Variants in ZNF112 observed in about 807,000 individuals in gnomAD.
The protein encoded by ZNF112 is zinc finger protein 112, also known as zinc finger protein 112 (Y14).
In ZNF112, 37 loss-of-function variants were observed where a neutral mutation model predicts 77.7. That is an observed-to-expected ratio of 0.48 (90% confidence interval 0.37 to 0.63). The LOEUF (loss-of-function observed/expected upper bound fraction) is 0.63. Ranked by LOEUF, ZNF112 falls within the 20% of genes least tolerant of loss-of-function variation. ZNF112 has a pLI of 0.00. For synonymous variants in ZNF112, 333 were observed against 363.6 expected (o/e 0.92, Z 0.96); for missense variants, 950 against 1,077.4 (o/e 0.88, Z 1.66).
intron 3 of ZNF112, among the ~76,000 whole-genome samples, chr19:44,334,153 G>A (rs1417903354): frequency 6.6e-6 from 1 of 152,146 alleles, no homozygotes; most frequent in Non-Finnish European, 1.5e-5. Context: ...CCCAACATTG[G>A]TGCTATGCTT....
chr19:44,329,170 T>C lies in ZNF112; in HGVS notation c.987A>G (p.Glu329=), dbSNP rs1246486027. 3 of 1,613,814 alleles carry C rather than the reference T, an allele frequency of 1.9e-6. No individual in the cohort carries two copies. In the Admixed American group the frequency reaches 5.0e-5, roughly 27 times the overall value. Residue 329 remains glutamate, a synonymous_variant, in exon 4 of 4, where the codon GAA becomes GAG. Coordinates refer to ENST00000354340, the MANE Select transcript of ZNF112 (RefSeq NM_013380.4). ...AACAGTGATTGAAGTTCTCACCATA[T>C]TCACCACATTTGCATGGTTTCTCCT... ...HTEEKPCKCG[E]YGENFNHCSP... is the part of the protein sequence containing the mutation.
At chr19:44,357,939 T>C (rs1049349680), upstream of ZNF112, among the ~76,000 whole-genome samples, 1 of 151,918 alleles carries the variant, frequency 6.6e-6, no homozygotes, top group Non-Finnish European at 1.5e-5. Flanking sequence ...GCTCACGGGG[T>C]CAGGAGATCG....
chr19:44,351,179 C>G (rs568838488), intron 1 of ZNF112, among the ~76,000 whole-genome samples: 46 of 152,166 alleles, frequency 3.0e-4, no homozygotes, highest in Admixed American at 1.6e-3. Flanking sequence ...TAATTTTGAT[C>G]CTTCTGCTTT....
At chr19:44,350,849 AAT>A (rs1970678761) in intron 1 of ZNF112, among the ~76,000 whole-genome samples, 1 of 152,140 alleles carries the variant, frequency 6.6e-6, no homozygotes, top group Non-Finnish European at 1.5e-5. Flanking sequence ...ATTATTCTGA[AAT>A]GTAGTGACAT....
At chr19:44,338,724 A>T (rs754740231) in intron 2 of ZNF112, among the ~76,000 whole-genome samples, 1 of 152,240 alleles carries the variant, frequency 6.6e-6, no homozygotes, top group Admixed American at 6.5e-5. Flanking sequence ...GAACAACTAT[A>T]CTAGACTCTA....
chr19:44,335,486 AG>A (rs1163468483), intron 3 of ZNF112, among the ~76,000 whole-genome samples: 15 of 152,352 alleles, frequency 9.8e-5, no homozygotes, highest in Admixed American at 9.8e-4. Context: ...ATGTTAGTAT[AG>A]GTAAAAAAAT....
At chr19:44,359,157 C>A (rs1207730623), upstream of ZNF112, among the ~76,000 whole-genome samples, 1 of 152,044 alleles carries the variant, frequency 6.6e-6, no homozygotes, top group Non-Finnish European at 1.5e-5. Flanking sequence ...ATTGACCTCT[C>A]CTCAGAGGTC....
At position 44,328,559 on chromosome 19, in the gene ZNF112, A is replaced by G; in HGVS notation, c.1598T>C (p.Val533Ala). The G allele has an allele frequency of 3.7e-6, 6 of 1,604,478 alleles. No individual in the cohort carries two copies. Among genetic ancestry groups the G allele is most frequent in the Non-Finnish European group, 5.1e-6 (6 of 1,173,762 alleles). The change falls in exon 4 of 4, where the codon GTT becomes GCT. Residue 533 changes from valine (V) to alanine (A), a missense_variant. Coordinates refer to ENST00000354340, the MANE Select transcript of ZNF112 (RefSeq NM_013380.4). ...GTGGACTCTCTGATGAACATTCAGA[A>G]CTGATCTATGATTGAAACCTTTGCC... is the stretch of plus-strand genomic sequence containing the variant. ...ICGKGFNHRS[V>A]LNVHQRVHTG... is the part of the protein sequence containing the mutation.
At chr19:44,336,948 C>T (rs1375503054) in intron 2 of ZNF112, among the ~76,000 whole-genome samples, 2 of 151,474 alleles carry the variant, frequency 1.3e-5, no homozygotes, top group Non-Finnish European at 2.9e-5. Context: ...TCACAGCTCA[C>T]TACAACTGCA....
Position 44,329,018 on chromosome 19 carries a change from G to A in ZNF112, c.1139C>T (p.Pro380Leu). Residue 380 changes from proline (P) to leucine (L), a missense_variant, in exon 4 of 4, where the codon CCC (proline) becomes CTC (leucine). Pro to Leu is a moderately conservative substitution (Grantham distance 98). This residue lies in a region of ZNF112 where 560 missense variants were observed against 557.3 expected (regional missense o/e 1.00). Transcript: ENST00000354340. ...ATTCTCATTTTCCTCATATTCATGG[G>A]GTTCATCCCTAGTATGGACCCTAAA... ...SIFRVHTRDE[P>L]HEYEENENVF... 1.2e-6 allele frequency: 2 copies of A among 1,613,782 alleles called. No homozygotes were observed. Among genetic ancestry groups the A allele is most frequent in the Non-Finnish European group, 1.7e-6 (2 of 1,179,934 alleles).
At chr19:44,366,456 G>A (rs1970905347) in intron 1 of ZNF112, among the ~76,000 whole-genome samples, 4 of 152,018 alleles carry the variant, frequency 2.6e-5, no homozygotes, top group African/African-American at 4.8e-5. Context: ...TCTGCCCTGA[G>A]AAGAGAGATG....
chr19:44,351,719 G>C (rs1240870907), intron 1 of ZNF112, among the ~76,000 whole-genome samples: 1 of 151,838 alleles, frequency 6.6e-6, no homozygotes, highest in Non-Finnish European at 1.5e-5. Flanking sequence ...CTGGCTCCTG[G>C]ACAAAATTAA....
At position 44,329,094 on chromosome 19, in the gene ZNF112, G is replaced by A; in HGVS notation, c.1063C>T (p.His355Tyr). The A allele has an allele frequency of 2.5e-6, 4 of 1,613,838 alleles. 1 individual carries two copies. Among genetic ancestry groups the A allele is most frequent in the Non-Finnish European group, 2.5e-6 (3 of 1,179,974 alleles). Residue 355 changes from histidine to tyrosine, a missense_variant, in exon 4 of 4, where the codon CAC (histidine) becomes TAC (tyrosine). His to Tyr is a moderately conservative substitution (Grantham distance 83, BLOSUM62 2). Around this residue, in one of 3 missense-constraint regions of ZNF112, gnomAD observed 560 missense variants for 557.3 expected, o/e 1.00. Coordinates refer to ENST00000354340, the MANE Select transcript of ZNF112 (RefSeq NM_013380.4). Reference protein sequence around the residue: ...LIHTGEMSYRHNIYEKAFSHS... With the variant: ...LIHTGEMSYRYNIYEKAFSHS... ...CTGAAGGCTTTCTCATAAATGTTGT[G>A]CCTATAGGACATCTCACCTGTGTGG...
chr19:44,359,448 C>T (rs374353867), upstream of ZNF112, among the ~76,000 whole-genome samples: 11 of 151,026 alleles, frequency 7.3e-5, no homozygotes, highest in East Asian at 2.0e-4. Flanking sequence ...CCCAGCCTCC[C>T]GAGTAGCTGG....
At position 44,327,221 on chromosome 19, in the gene ZNF112, T is replaced by C. The variant is rs887992778; in HGVS notation, c.*212A>G. 6 of 478,794 alleles carry C rather than the reference T, an allele frequency of 1.3e-5. No individual in the cohort carries two copies. The South Asian group carries it at 2.0e-4, about 16-fold the overall frequency. 29.7% of individuals were successfully genotyped at this position (478,794 alleles called of 1,614,324 possible). On this transcript the variant is annotated 3_prime_UTR_variant, in exon 4 of 4. Coordinates refer to ENST00000354340, the MANE Select transcript of ZNF112 (RefSeq NM_013380.4). ...ATTAAATTCCTGACCATACTCATAT[T>C]TTATAAGCCTTAGCTCCTGTGCAAT... is the stretch of plus-strand genomic sequence containing the variant.
intron 3 of ZNF112, among the ~76,000 whole-genome samples, chr19:44,334,606 G>A (rs977182077): frequency 1.8e-4 from 28 of 152,246 alleles, no homozygotes; most frequent in African/African-American, 6.8e-4. Context: ...CAGGCCCAGG[G>A]CCCTGCTGTT....
At chr19:44,358,883 T>C (rs1599942151), upstream of ZNF112, among the ~76,000 whole-genome samples, 2 of 152,240 alleles carry the variant, frequency 1.3e-5, no homozygotes, top group East Asian at 3.9e-4. Context: ...CCCAATCTGG[T>C]TCTGTGTTGG....
chr19:44,351,165 C>T (rs1419084882), intron 1 of ZNF112, among the ~76,000 whole-genome samples: 2 of 152,156 alleles, frequency 1.3e-5, no homozygotes, highest in South Asian at 4.1e-4. Context: ...ATGTCACTTT[C>T]TTCTAATTTT....
At chr19:44,359,671 A>G (rs1194967540), upstream of ZNF112, among the ~76,000 whole-genome samples, 1 of 152,070 alleles carries the variant, frequency 6.6e-6, no homozygotes, top group Non-Finnish European at 1.5e-5. Context: ...ACTCTACAAT[A>G]TGCTAATTTT....
Sources: gnomAD v4.1 joint callset for allele counts (sites outside exome capture counted in the v4.1 genomes callset) on GRCh38, gnomAD v4.1.1 for gene constraint, gnomAD v4.1.1 regional missense constraint, MANE v1.5 for transcripts, NCBI Gene and HGNC (gene_info 2026-07-23, HGNC 2026-07-21) for gene names.